Variants in SACM1L observed in about 807,000 individuals in gnomAD.
The protein encoded by SACM1L is SAC1 like phosphatidylinositide phosphatase.
SACM1L carries 32 observed loss-of-function variants against 89.5 expected under a neutral mutation model. The observed-to-expected ratio is 0.36, with a 90% CI of 0.27 to 0.48. SACM1L has a LOEUF of 0.48. Ranked by LOEUF, SACM1L falls within the 20% of genes least tolerant of loss-of-function variation. The probability of loss-of-function intolerance (pLI) is 0.99; values close to 1 mark genes in which losing one functional copy is unlikely to be tolerated. For synonymous variants in SACM1L, 213 were observed against 232.8 expected (o/e 0.92, Z 0.77); for missense variants, 543 against 708.5 (o/e 0.77, Z 2.65).
chr3:45,705,237 A>T (rs1192525624), intron 3 of SACM1L, 28 bp downstream of exon 3: 1 of 1,412,998 alleles, frequency 7.1e-7, no homozygotes, highest in East Asian at 2.3e-5. Flanking sequence ...AAGATGGGCA[A>T]AGAAGGTAAT....
At chr3:45,705,327 C>A in intron 3 of SACM1L, 118 bp downstream of exon 3, 1 of 524,330 alleles carries the variant, frequency 1.9e-6, no homozygotes, top group Non-Finnish European at 3.4e-6. Context: ...AGCAGTAAAT[C>A]TCTTGGTTAA....
intron 1 of SACM1L, among the ~76,000 whole-genome samples, chr3:45,692,742 C>G (rs1401448548): frequency 6.6e-6 from 1 of 152,168 alleles, no homozygotes; most frequent in Non-Finnish European, 1.5e-5. Context: ...ATTATTGTAA[C>G]AGGGTTAGAC....
At chr3:45,706,702 T>C in intron 3 of SACM1L, 78 bp from the exon 4 acceptor site, 2 of 1,271,008 alleles carry the variant, frequency 1.6e-6, no homozygotes, top group Non-Finnish European at 2.2e-6. Flanking sequence ...GCCTTTAAAG[T>C]TAAACAATAA....
At chr3:45,703,666 T>C (rs1198725982) in intron 2 of SACM1L, 131 bp downstream of exon 2, 1 of 517,964 alleles carries the variant, frequency 1.9e-6, no homozygotes, top group African/African-American at 1.9e-5. Context: ...ATTTTTATTC[T>C]TGCTACCTCA....
chr3:45,719,626 A>G (rs1355428569), intron 8 of SACM1L, 25 bp downstream of exon 8: 3 of 1,279,912 alleles, frequency 2.3e-6, no homozygotes, highest in African/African-American at 3.0e-5. Context: ...AGCATGGGTC[A>G]TATCTGTAAT....
chr3:45,743,306 C>A (rs1178707050), intron 19 of SACM1L, among the ~76,000 whole-genome samples: 4 of 152,192 alleles, frequency 2.6e-5, no homozygotes, highest in Non-Finnish European at 5.9e-5. Context: ...TGCTAGAATG[C>A]AGATTCCTGG....
intron 1 of SACM1L, among the ~76,000 whole-genome samples, chr3:45,702,321 G>A (rs1177127871): frequency 6.6e-6 from 1 of 152,194 alleles, no homozygotes; most frequent in Non-Finnish European, 1.5e-5. Flanking sequence ...TGATGGTTGT[G>A]TGGGTTTGAA....
At chr3:45,695,374 C>A (rs1386962391) in intron 1 of SACM1L, among the ~76,000 whole-genome samples, 1 of 152,000 alleles carries the variant, frequency 6.6e-6, no homozygotes, top group Non-Finnish European at 1.5e-5. Context: ...GATTCTTGTG[C>A]CTCAGCCTCC....
Position 45,709,654 on chromosome 3 carries a change from T to G in SACM1L, c.483+7T>G. The G allele has an allele frequency of 6.3e-7, 1 of 1,592,764 alleles. No homozygotes were observed. The highest frequency in any genetic ancestry group is 1.7e-4 in the Middle Eastern group (1 of 5,946). ...AATGAGTCTCTTGGAAAGGGTAAGC[T>G]TGATCTTCAATTATTTTTATTTTTA... On this transcript the variant is annotated splice_region_variant and intron_variant, in intron 5 of 19. Coordinates refer to ENST00000389061, the MANE Select transcript of SACM1L (RefSeq NM_014016.5).
At chr3:45,742,785 C>G (rs1405873332) in intron 19 of SACM1L, 1 of 152,150 alleles carries the variant, frequency 6.6e-6, no homozygotes, top group African/African-American at 2.4e-5. Context: ...GATCGGATGT[C>G]CGCACTAAGT....
At chr3:45,707,682 A>G (rs1273906474) in intron 4 of SACM1L, among the ~76,000 whole-genome samples, 1 of 152,228 alleles carries the variant, frequency 6.6e-6, no homozygotes, top group Non-Finnish European at 1.5e-5. Context: ...AAGGGATGAC[A>G]GTATCCCAGA....
chr3:45,699,855 G>A (rs1349514322), intron 1 of SACM1L, among the ~76,000 whole-genome samples: 1 of 151,934 alleles, frequency 6.6e-6, no homozygotes, highest in African/African-American at 2.4e-5. Flanking sequence ...AATGGAGATA[G>A]TTTTTTTTCT....
rs1158423503 is a variant in SACM1L, at chr3:45,726,869, CTTTTTTTTTTTTTTT to C, written c.921+3339_921+3353del. On this transcript the variant is annotated intron_variant, in intron 11 of 19. Transcript: ENST00000389061. ...CCTCAGCACTGCTTTTGCTTTATTT[CTTTTTTTTTTTTTTT>C]TTTTTTTTTTTTGAGACGGAGTCTC... Among the ~76,000 whole-genome samples, 2 of 52,340 alleles carry C rather than the reference CTTTTTTTTTTTTTTT, an allele frequency of 3.8e-5. 1 individual carries two copies. The allele number at this position is 52,340 out of a possible 152,430, so 34.3% of individuals were successfully genotyped here.
At position 45,706,849 on chromosome 3, in the gene SACM1L, C is replaced by T. The variant is rs750262800; in HGVS notation, c.275C>T (p.Ala92Val). The T allele has an allele frequency of 1.2e-6, 2 of 1,612,894 alleles. No homozygotes were observed. The highest frequency in any genetic ancestry group is 2.2e-5 in the South Asian group (2 of 91,008). Reference protein sequence around the residue: ...GEFFSHVVWKATDFDVLSYKK... With the variant: ...GEFFSHVVWKVTDFDVLSYKK... Reference sequence around the variant, plus strand: ...TTTTTCAGTCATGTAGTCTGGAAAGCAACAGATTTTGATGTCCTTTCTTAT... The same window carrying T: ...TTTTTCAGTCATGTAGTCTGGAAAGTAACAGATTTTGATGTCCTTTCTTAT... Residue 92 changes from alanine (A) to valine (V), a missense_variant, in exon 4 of 20, where the codon GCA (alanine) becomes GTA (valine). By Grantham distance (64) the Ala-to-Val change is moderately conservative. This residue lies in a region of SACM1L where 173 missense variants were observed against 180.9 expected (regional missense o/e 0.96). Coordinates refer to ENST00000389061, the MANE Select transcript of SACM1L (RefSeq NM_014016.5).
chr3:45,739,812 T>A, intron 19 of SACM1L, 168 bp downstream of exon 19: 1 of 662,706 alleles, frequency 1.5e-6, no homozygotes, highest in East Asian at 2.6e-5. Context: ...AAAAATAACA[T>A]ACCTAGTAGT....
chr3:45,721,850 T>TAATG (rs1698794929), intron 8 of SACM1L, 150 bp from the exon 9 acceptor site: 3 of 587,044 alleles, frequency 5.1e-6, no homozygotes, highest in African/African-American at 1.9e-5. Context: ...TGATCATGTA[T>TAATG]AATGAATTTG....
intron 1 of SACM1L, among the ~76,000 whole-genome samples, chr3:45,699,873 C>T (rs530293413): frequency 2.2e-4 from 34 of 151,978 alleles, no homozygotes; most frequent in African/African-American, 8.2e-4. Context: ...TCTGTGTGTG[C>T]GTTTGACTTT....
intron 1 of SACM1L, among the ~76,000 whole-genome samples, chr3:45,695,997 C>CTT (rs56074379): frequency 1.8e-4 from 24 of 134,198 alleles, no homozygotes; most frequent in South Asian, 2.4e-4. Context: ...TCAGAATTTC[C>CTT]TTTTTTTTTT....
At chr3:45,725,744 A>G (rs749368940) in intron 11 of SACM1L, among the ~76,000 whole-genome samples, 5 of 151,938 alleles carry the variant, frequency 3.3e-5, no homozygotes, top group Admixed American at 6.6e-5. Flanking sequence ...TTGAACAGAA[A>G]TTGTGAAAGC....
Sources: allele counts gnomAD v4.1 joint callset (sites outside exome capture counted in the v4.1 genomes callset), GRCh38; gene constraint gnomAD v4.1.1; regional missense constraint gnomAD v4.1.1; transcripts MANE v1.5; gene names NCBI Gene and HGNC (gene_info 2026-07-23, HGNC 2026-07-21).